FTO: variants seen among roughly 807,000 people sequenced by gnomAD.
FTO encodes FTO alpha-ketoglutarate dependent dioxygenase.
FTO carries 47 observed loss-of-function variants against 63.9 expected under a neutral mutation model. The observed-to-expected ratio is 0.74, with a 90% confidence interval of 0.58 to 0.94. FTO has a LOEUF of 0.94. Among genes scored for constraint, FTO ranks in the 40% least tolerant of loss-of-function variants. The pLI is 0.00. For missense variants in FTO, 562 were observed against 618.1 expected, an observed-to-expected ratio of 0.91 and a Z score of 0.96; for synonymous variants, 207 against 224.4, an observed-to-expected ratio of 0.92 and a Z score of 0.69.
At chr16:54,007,800 C>A (rs1291839753) in intron 8 of FTO, among the ~76,000 whole-genome samples, 1 of 152,274 alleles carries the variant, frequency 6.6e-6, no homozygotes, top group African/African-American at 2.4e-5. Flanking sequence ...TGGACTTGGT[C>A]AAAAAATCTC....
intron 7 of FTO, among the ~76,000 whole-genome samples, chr16:53,893,055 T>C (rs1198745168): frequency 6.6e-6 from 1 of 152,166 alleles, no homozygotes; most frequent in Non-Finnish European, 1.5e-5. Context: ...AGCGGATAGT[T>C]TTACTCCATC....
At chr16:53,744,834 C>CACT (rs34755534) in intron 1 of FTO, among the ~76,000 whole-genome samples, 1 of 150,996 alleles carries the variant, frequency 6.6e-6, no homozygotes, top group African/African-American at 2.4e-5. Context: ...TTCCCCCCCC[C>CACT]CATATATGAA....
At chr16:54,050,471 C>A (rs1465968896) in intron 8 of FTO, among the ~76,000 whole-genome samples, 2 of 152,134 alleles carry the variant, frequency 1.3e-5, no homozygotes, top group African/African-American at 2.4e-5. Flanking sequence ...ATAAAATCCT[C>A]TGGGTGATGG....
intron 8 of FTO, among the ~76,000 whole-genome samples, chr16:53,995,409 C>A (rs1323539973): frequency 6.6e-6 from 1 of 152,174 alleles, no homozygotes; most frequent in Non-Finnish European, 1.5e-5. Context: ...CCACACGATA[C>A]CACTGAGGAA....
chr16:53,977,848 C>G (rs1178916681), intron 8 of FTO, among the ~76,000 whole-genome samples: 3 of 149,088 alleles, frequency 2.0e-5, no homozygotes, highest in Non-Finnish European at 4.5e-5. Context: ...CAGTGTTCCC[C>G]TAGAAAGAGA....
At chr16:53,749,473 C>G (rs1338997467) in intron 1 of FTO, among the ~76,000 whole-genome samples, 1 of 149,624 alleles carries the variant, frequency 6.7e-6, no homozygotes, top group Non-Finnish European at 1.5e-5. Flanking sequence ...AGTCTTCGCT[C>G]TGTGGCCCAC....
intron 4 of FTO, among the ~76,000 whole-genome samples, chr16:53,844,519 G>T (rs2079565615): frequency 6.6e-6 from 1 of 152,084 alleles, no homozygotes; most frequent in Non-Finnish European, 1.5e-5. Flanking sequence ...GAGTGCAGTG[G>T]CACAATCTCT....
rs76771304 is a variant in FTO at position 53,943,288 on chromosome 16, C to G, written c.1364+9179C>G. Among the ~76,000 whole-genome samples the G allele has an allele frequency of 4.7e-3, 718 of 152,256 alleles. 5 individuals carry two copies. The highest frequency in any genetic ancestry group is 0.016 in the African/African-American group (657 of 41,546). On this transcript the variant is annotated intron_variant, in intron 8 of 8. Transcript: ENST00000471389. ...GAGGCAAGTGTTGTTAATGTTATTA[C>G]CATTGTTACTGTCATTATTTGAACA...
intron 1 of FTO, among the ~76,000 whole-genome samples, chr16:53,790,431 A>AT (rs1014402168): frequency 6.6e-6 from 1 of 151,994 alleles, no homozygotes; most frequent in Non-Finnish European, 1.5e-5. Flanking sequence ...AATCAGGAGA[A>AT]ACAGGGTGGG....
At chr16:53,838,201 A>G (rs1173206359) in intron 3 of FTO, among the ~76,000 whole-genome samples, 1 of 152,202 alleles carries the variant, frequency 6.6e-6, no homozygotes, top group Non-Finnish European at 1.5e-5. Context: ...GGCCATCTAC[A>G]ACTTGTGAGT....
At chr16:54,027,995 GT>G (rs57645591) in intron 8 of FTO, among the ~76,000 whole-genome samples, 31,952 of 151,008 alleles carry the variant, frequency 0.21, 4,618 homozygotes, top group African/African-American at 0.4. Flanking sequence ...TGGAGTTTGT[GT>G]TTTTTTTTGT....
chr16:53,853,980 T>C (rs573504963), intron 4 of FTO, among the ~76,000 whole-genome samples: 1 of 152,272 alleles, frequency 6.6e-6, no homozygotes, highest in East Asian at 1.9e-4. Flanking sequence ...TCTAGCAACA[T>C]CTATTATTTT....
intron 3 of FTO, among the ~76,000 whole-genome samples, chr16:53,839,444 G>A (rs2079398962): frequency 6.6e-6 from 1 of 152,094 alleles, no homozygotes; most frequent in Non-Finnish European, 1.5e-5. Context: ...TTTATCAGAC[G>A]TGAAACTTTC....
At chr16:54,049,419 C>T (rs2085262299) in intron 8 of FTO, among the ~76,000 whole-genome samples, 1 of 151,940 alleles carries the variant, frequency 6.6e-6, no homozygotes, top group South Asian at 2.1e-4. Context: ...GTGTGGTCAC[C>T]CAGAGAGGAA....
chr16:54,055,334 G>C (rs1453970090), intron 8 of FTO, among the ~76,000 whole-genome samples: 1 of 152,166 alleles, frequency 6.6e-6, no homozygotes, highest in Non-Finnish European at 1.5e-5. Flanking sequence ...TTAGTGAGCT[G>C]GTTTAGCCTC....
chr16:53,967,800 A>T (rs1567481718), intron 8 of FTO, among the ~76,000 whole-genome samples: 1 of 152,184 alleles, frequency 6.6e-6, no homozygotes, highest in Admixed American at 6.5e-5. Context: ...GCTGTGACAG[A>T]TATAACTGAC....
intron 1 of FTO, among the ~76,000 whole-genome samples, chr16:53,710,450 G>T (rs539198993): frequency 1.7e-3 from 261 of 152,066 alleles, no homozygotes; most frequent in African/African-American, 6.1e-3. Context: ...ATTTTTAGTA[G>T]AGATGGGTTT....
intron 8 of FTO, among the ~76,000 whole-genome samples, chr16:54,001,085 A>G (rs1401238930): frequency 6.6e-6 from 1 of 152,128 alleles, no homozygotes; most frequent in Non-Finnish European, 1.5e-5. Flanking sequence ...TTAATTACTG[A>G]ATTCTGGGAT....
Position 53,704,157 on chromosome 16 carries a change from C to T in FTO, c.-28C>T, listed in dbSNP as rs1294889129. 2 of 1,551,092 alleles carry T rather than the reference C, an allele frequency of 1.3e-6. No homozygotes were observed. The highest frequency in any genetic ancestry group is 1.7e-6 in the Non-Finnish European group (2 of 1,146,452). On this transcript the variant is annotated 5_prime_UTR_variant, in exon 1 of 9. Coordinates refer to ENST00000471389, the MANE Select transcript of FTO (RefSeq NM_001080432.3). The stretch of plus-strand genomic sequence containing the variant: ...CAGGGCGAGGGATCTACGCAGCTTG[C>T]GGTGGCGAAGGCGGCTTTAGTGGCA...
Sources: gnomAD v4.1 joint callset for allele counts (sites outside exome capture counted in the v4.1 genomes callset) on GRCh38, gnomAD v4.1.1 for gene constraint, MANE v1.5 for transcripts, NCBI Gene and HGNC (gene_info 2026-07-23, HGNC 2026-07-21) for gene names.